The following CFAP43 variants were observed in gnomAD, a reference collection of about 807,000 sequenced individuals.
The protein encoded by CFAP43 is cilia- and flagella-associated protein 43.
In CFAP43, 155 loss-of-function variants were observed where a neutral mutation model predicts 218.9. That is an observed-to-expected ratio of 0.71 (90% CI 0.62 to 0.81). CFAP43 has a LOEUF of 0.81. Ranked by LOEUF, CFAP43 falls within the 30% of genes least tolerant of loss-of-function variation. CFAP43 has a pLI of 0.00. For synonymous variants in CFAP43, 645 were observed against 681.3 expected (o/e 0.95, Z 0.83); for missense variants, 1,778 against 1,954.3 (o/e 0.91, Z 1.70).
At position 104,167,592 on chromosome 10, in the gene CFAP43, T is replaced by C. The variant is rs762749232; in HGVS notation, c.2808+29A>G. 1.8e-5 allele frequency: 27 copies of C among 1,532,462 alleles called. No homozygotes were observed. In the South Asian group the frequency reaches 2.0e-4, roughly 11 times the overall value. The allele number at this position is 1,532,462 out of a possible 1,614,324, so 94.9% of individuals were successfully genotyped here. ...ACTCTAAAATAAAGCACATCACTTA[T>C]ATAAACACATGTATATTTAAAATAG... On this transcript the variant is annotated intron_variant, in intron 22 of 37. Transcript: ENST00000357060.
chr10:104,145,103 T>A (rs772918754), intron 31 of CFAP43, among the ~76,000 whole-genome samples: 1 of 152,222 alleles, frequency 6.6e-6, no homozygotes, highest in Non-Finnish European at 1.5e-5. Flanking sequence ...TTACAAGTAG[T>A]TCCGATTTAT....
chr10:104,144,841 T>C (rs1004715721), intron 31 of CFAP43, among the ~76,000 whole-genome samples: 1 of 152,222 alleles, frequency 6.6e-6, no homozygotes, highest in African/African-American at 2.4e-5. Context: ...AGTGATACTT[T>C]CTTAGAACTC....
Position 104,232,311 on chromosome 10 carries a change from T to C in CFAP43, c.-65A>G. 6.9e-7 allele frequency: 1 copy of C among 1,451,118 alleles called. No individual in the cohort carries two copies. The highest frequency in any genetic ancestry group is 9.1e-7 in the Non-Finnish European group (1 of 1,096,270). 89.9% of individuals were successfully genotyped at this position (1,451,118 alleles called of 1,614,324 possible). ...AGCACCCCAGGGCGGGTCGGTTACC[T>C]TTCCGCCGCCGCGGGGCTGCGGGCC... On this transcript the variant is annotated 5_prime_UTR_variant, in exon 1 of 38. Coordinates refer to ENST00000357060, the MANE Select transcript of CFAP43 (RefSeq NM_025145.7).
intron 12 of CFAP43, among the ~76,000 whole-genome samples, chr10:104,189,953 G>A (rs190200700): frequency 0.015 from 2,338 of 152,206 alleles, 48 homozygotes; most frequent in Non-Finnish European, 0.017. Flanking sequence ...GGATCATGAG[G>A]TCAGGAGATC....
At chr10:104,152,045 A>G (rs894917748) in intron 28 of CFAP43, among the ~76,000 whole-genome samples, 1 of 152,200 alleles carries the variant, frequency 6.6e-6, no homozygotes, top group Non-Finnish European at 1.5e-5. Flanking sequence ...TGCTGAAGAT[A>G]ATTAAGACAG....
intron 26 of CFAP43, 43 bp downstream of exon 26, chr10:104,161,918 T>G: frequency 6.4e-7 from 1 of 1,573,866 alleles, no homozygotes; most frequent in Non-Finnish European, 8.6e-7. Context: ...AGTAGCTCTT[T>G]CCACCCCATT....
At chr10:104,163,759 T>C (rs2089001917) in intron 24 of CFAP43, among the ~76,000 whole-genome samples, 1 of 152,204 alleles carries the variant, frequency 6.6e-6, no homozygotes, top group Non-Finnish European at 1.5e-5. Flanking sequence ...CTTTCTCATG[T>C]GGAGGAGATA....
At chr10:104,192,378 C>T in intron 11 of CFAP43, 76 bp from the exon 12 acceptor site, 1 of 1,012,444 alleles carries the variant, frequency 9.9e-7, no homozygotes, top group South Asian at 1.4e-5. Context: ...ATTGAATGGC[C>T]ACAGAGATAT....
Position 104,194,018 on chromosome 10 carries a change from T to G in CFAP43, c.1294-4A>C. ...GACAGCAAGCCAGAACCGTTGCCTG[T>G]TTAAAATAAACCCCAGATGCGTATC... On this transcript the variant is annotated splice_region_variant and splice_polypyrimidine_tract_variant and intron_variant, in intron 10 of 37. Transcript: ENST00000357060. The G allele has an allele frequency of 2.5e-6, 4 of 1,612,704 alleles. No homozygotes were observed. The highest frequency in any genetic ancestry group is 3.4e-6 in the Non-Finnish European group (4 of 1,179,996).
intron 7 of CFAP43, among the ~76,000 whole-genome samples, chr10:104,205,229 A>AG (rs2090651451): frequency 6.6e-6 from 1 of 151,248 alleles, no homozygotes; most frequent in Non-Finnish European, 1.5e-5. Context: ...AAAAAAAAAA[A>AG]AAAAAAGAAA....
At chr10:104,162,493 C>A (rs1589674686) in intron 24 of CFAP43, 90 bp from the exon 25 acceptor site, 8 of 1,144,900 alleles carry the variant, frequency 7.0e-6, no homozygotes, top group African/African-American at 6.1e-5. Context: ...CTGGAAGATA[C>A]TAAGGGGATT....
chr10:104,181,209 G>A (rs1360564352), intron 17 of CFAP43, among the ~76,000 whole-genome samples: 14 of 152,020 alleles, frequency 9.2e-5, no homozygotes, highest in African/African-American at 2.7e-4. Flanking sequence ...CTACATAAAT[G>A]TTCAAGTAAA....
Position 104,214,398 on chromosome 10 carries a change from T to A in CFAP43, c.445A>T (p.Lys149Ter). The A allele has an allele frequency of 6.3e-7, 1 of 1,598,678 alleles. No individual in the cohort carries two copies. Among genetic ancestry groups the A allele is most frequent in the Non-Finnish European group, 8.5e-7 (1 of 1,172,478 alleles). ...WNWESSIILCKKSQPGMDVNQ... is the reference protein window; with the variant it reads ...WNWESSIILC Reference sequence around the variant, plus strand: ...ACATCCATTCCAGGCTGTGATTTCTTACACAAAATGATACTCGATTCCCAG... The same window carrying A: ...ACATCCATTCCAGGCTGTGATTTCTAACACAAAATGATACTCGATTCCCAG... The change falls in exon 4 of 38, where the codon AAG becomes TAG. Residue 149 changes from lysine (K) to a stop codon, truncating the protein, a stop_gained. Transcript: ENST00000357060. LOFTEE classifies it high-confidence loss of function.
chr10:104,174,067 G>C (rs2089519134), intron 19 of CFAP43, among the ~76,000 whole-genome samples: 2 of 152,258 alleles, frequency 1.3e-5, no homozygotes, highest in Non-Finnish European at 1.5e-5. Context: ...ATTTTCAAAA[G>C]ATATGATAGT....
intron 22 of CFAP43, among the ~76,000 whole-genome samples, chr10:104,166,947 G>T (rs1266438695): frequency 6.6e-6 from 1 of 152,194 alleles, no homozygotes; most frequent in Non-Finnish European, 1.5e-5. Flanking sequence ...GTCCTGGATG[G>T]TGTGTAATAT....
chr10:104,230,114 C>G (rs543628947), intron 2 of CFAP43, among the ~76,000 whole-genome samples: 48 of 152,106 alleles, frequency 3.2e-4, no homozygotes, highest in Admixed American at 1.1e-3. Flanking sequence ...AAGGCTCTAG[C>G]TAACATAATT....
intron 34 of CFAP43, among the ~76,000 whole-genome samples, chr10:104,138,622 C>T (rs1052327000): frequency 5.3e-5 from 8 of 151,502 alleles, no homozygotes; most frequent in Non-Finnish European, 1.0e-4. Flanking sequence ...TTGCAGTGAC[C>T]TGAGATAGTG....
chr10:104,176,078 G>A (rs894654256), intron 19 of CFAP43, among the ~76,000 whole-genome samples: 1 of 151,908 alleles, frequency 6.6e-6, no homozygotes, highest in East Asian at 1.9e-4. Flanking sequence ...TTTAAAGAAG[G>A]GCAAAAGGAG....
At chr10:104,166,801 C>G (rs2089179984) in intron 22 of CFAP43, 83 bp from the exon 23 acceptor site, 1 of 1,195,236 alleles carries the variant, frequency 8.4e-7, no homozygotes. Flanking sequence ...TTAATTATTT[C>G]AACAATCATT....
Sources: gnomAD v4.1 joint callset for allele counts (sites outside exome capture counted in the v4.1 genomes callset) on GRCh38, gnomAD v4.1.1 for gene constraint, MANE v1.5 for transcripts, NCBI Gene and HGNC (gene_info 2026-07-23, HGNC 2026-07-21) for gene names.